Variants in MDFIC observed in about 807,000 individuals in gnomAD.
MDFIC encodes MyoD family inhibitor domain containing.
MDFIC carries 17 observed loss-of-function variants against 23.2 expected under a neutral mutation model. That is an observed-to-expected ratio of 0.73 (90% CI 0.50 to 1.10). The LOEUF is 1.10. Ranked by LOEUF, MDFIC falls within the 50% of genes least tolerant of loss-of-function variation. MDFIC has a pLI of 0.00. For missense variants in MDFIC, 356 were observed against 316.6 expected (o/e 1.12, Z -0.95); for synonymous variants, 120 against 115.2 (o/e 1.04, Z -0.27).
rs1431575942 is a variant in MDFIC at position 114,991,642 on chromosome 7, CA to C, written c.493+11864del. Among the ~76,000 whole-genome samples, 10 of 152,250 alleles carry C rather than the reference CA, an allele frequency of 6.6e-5. No homozygotes were observed. The East Asian group carries it at 1.4e-3, about 21-fold the overall frequency. On this transcript the variant is annotated intron_variant, in intron 4 of 4. Transcript: ENST00000393486. ...CATTTCTTGTTTTTGTCAGGTTTGT[CA>C]AAGATCACATGGTTGTAGATGTGTG...
chr7:115,003,877 A>G (rs1408362026), intron 4 of MDFIC, among the ~76,000 whole-genome samples: 2 of 152,182 alleles, frequency 1.3e-5, no homozygotes, highest in African/African-American at 4.8e-5. Flanking sequence ...TGAATTGGAT[A>G]TTGGATATTC....
At chr7:114,943,913 A>G (rs1439219859) in intron 3 of MDFIC, among the ~76,000 whole-genome samples, 2 of 152,200 alleles carry the variant, frequency 1.3e-5, no homozygotes, top group African/African-American at 4.8e-5. Flanking sequence ...AAATGTGAAT[A>G]AGATTTCTTA....
intron 3 of MDFIC, among the ~76,000 whole-genome samples, chr7:114,978,084 A>C (rs1793350850): frequency 6.6e-6 from 1 of 151,170 alleles, no homozygotes; most frequent in African/African-American, 2.4e-5. Flanking sequence ...AGGTGTGTGC[A>C]TGTCTACCTT....
intron 4 of MDFIC, among the ~76,000 whole-genome samples, chr7:114,980,317 CAA>C (rs1335469571): frequency 6.6e-6 from 1 of 152,158 alleles, no homozygotes; most frequent in Non-Finnish European, 1.5e-5. Flanking sequence ...CCAGCACCTG[CAA>C]CCATCTCCAC....
intron 4 of MDFIC, among the ~76,000 whole-genome samples, chr7:114,998,881 GGT>G (rs1237701362): frequency 6.6e-6 from 1 of 152,056 alleles, no homozygotes; most frequent in Non-Finnish European, 1.5e-5. Flanking sequence ...GGAACAAAAG[GGT>G]ACCACTTATG....
intron 4 of MDFIC, among the ~76,000 whole-genome samples, chr7:114,984,786 T>C (rs1793480797): frequency 6.6e-6 from 1 of 152,226 alleles, no homozygotes; most frequent in African/African-American, 2.4e-5. Context: ...AATCTTAGTA[T>C]GTTTTACATG....
chr7:114,981,615 A>G (rs895359220), intron 4 of MDFIC, among the ~76,000 whole-genome samples: 2 of 152,210 alleles, frequency 1.3e-5, no homozygotes, highest in Non-Finnish European at 2.9e-5. Context: ...AATATGTTCC[A>G]GATTGGGTTG....
intron 1 of MDFIC, 98 bp from the exon 2 acceptor site, chr7:114,922,829 T>C: frequency 7.1e-7 from 1 of 1,405,840 alleles, no homozygotes; most frequent in South Asian, 1.4e-5. Flanking sequence ...GGGTGGAGTT[T>C]GAGGGAGGGA....
At chr7:114,949,355 G>C (rs1193922530) in intron 3 of MDFIC, among the ~76,000 whole-genome samples, 2 of 152,118 alleles carry the variant, frequency 1.3e-5, no homozygotes, top group Non-Finnish European at 2.9e-5. Flanking sequence ...AGGAGCTGAG[G>C]CTTGGGAACT....
At chr7:114,926,064 G>A (rs1792185015) in intron 2 of MDFIC, among the ~76,000 whole-genome samples, 1 of 152,168 alleles carries the variant, frequency 6.6e-6, no homozygotes, top group South Asian at 2.1e-4. Flanking sequence ...TGTGGTCCCT[G>A]TAATTGCCAT....
At chr7:114,992,473 A>G (rs1367868422) in intron 4 of MDFIC, among the ~76,000 whole-genome samples, 1 of 152,170 alleles carries the variant, frequency 6.6e-6, no homozygotes, top group Non-Finnish European at 1.5e-5. Context: ...TCAGTATGAT[A>G]TTGGCTGTGG....
chr7:114,971,866 A>G (rs1793212060), intron 3 of MDFIC, among the ~76,000 whole-genome samples: 2 of 152,146 alleles, frequency 1.3e-5, no homozygotes, highest in Non-Finnish European at 2.9e-5. Flanking sequence ...AGTTTTTCTG[A>G]AAAGTGAAAG....
At chr7:114,941,074 T>C (rs538465294) in intron 2 of MDFIC, among the ~76,000 whole-genome samples, 2 of 152,198 alleles carry the variant, frequency 1.3e-5, no homozygotes, top group African/African-American at 2.4e-5. Context: ...TCAGTTGAAA[T>C]AGAATCTTTG....
intron 3 of MDFIC, among the ~76,000 whole-genome samples, chr7:114,961,362 G>T (rs371797650): frequency 6.6e-6 from 1 of 152,130 alleles, no homozygotes. Context: ...ACCTCCTCCT[G>T]GTTGCCATTG....
chr7:114,983,563 CTTTTTT>C (rs11388500), intron 4 of MDFIC, among the ~76,000 whole-genome samples: 7 of 88,310 alleles, frequency 7.9e-5, no homozygotes, highest in African/African-American at 2.7e-4. Flanking sequence ...TCATCAGGTA[CTTTTTT>C]TTTTTTTTTT....
chr7:114,972,261 C>T (rs958654377), intron 3 of MDFIC, among the ~76,000 whole-genome samples: 5 of 152,082 alleles, frequency 3.3e-5, no homozygotes, highest in African/African-American at 4.8e-5. Context: ...TTTATTTTTG[C>T]CAATATCTTG....
At chr7:114,996,395 G>A (rs1424292542) in intron 4 of MDFIC, among the ~76,000 whole-genome samples, 1 of 152,180 alleles carries the variant, frequency 6.6e-6, no homozygotes, top group Admixed American at 6.5e-5. Context: ...TTCTGGGCCT[G>A]AGCAGTTGAA....
At chr7:114,972,425 A>G (rs1489967481) in intron 3 of MDFIC, among the ~76,000 whole-genome samples, 1 of 152,116 alleles carries the variant, frequency 6.6e-6, no homozygotes, top group Admixed American at 6.5e-5. Context: ...AGACCTGAGT[A>G]AACTGGGATT....
At chr7:114,972,150 A>G (rs559928702) in intron 3 of MDFIC, among the ~76,000 whole-genome samples, 4 of 152,248 alleles carry the variant, frequency 2.6e-5, no homozygotes, top group African/African-American at 9.6e-5. Flanking sequence ...TGTTTAGGGT[A>G]AGGGGTGAAG....
Sources: allele counts gnomAD v4.1 joint callset (sites outside exome capture counted in the v4.1 genomes callset), GRCh38; gene constraint gnomAD v4.1.1; transcripts MANE v1.5; gene names NCBI Gene and HGNC (gene_info 2026-07-23, HGNC 2026-07-21).